Variants in COPG2 observed in about 807,000 individuals in gnomAD.
COPG2 encodes coat protein complex I subunit gamma 2, also known as coatomer subunit gamma-2.
In COPG2, 37 loss-of-function variants were observed where a neutral mutation model predicts 46.3. The observed-to-expected ratio is 0.80, with a 90% CI of 0.61 to 1.05. The LOEUF is 1.05. Ranked by LOEUF, COPG2 falls within the 50% of genes least tolerant of loss-of-function variation. The pLI is 0.00. For missense variants in COPG2, 427 were observed against 387.8 expected (o/e 1.10, Z -0.85); for synonymous variants, 159 against 129.7 (o/e 1.23, Z -1.53).
intron 20 of COPG2, among the ~76,000 whole-genome samples, chr7:130,531,569 C>T (rs1035425927): frequency 6.6e-6 from 1 of 151,902 alleles, no homozygotes; most frequent in African/African-American, 2.4e-5. Flanking sequence ...GGGTGGGAGG[C>T]ACTGAAAGAA....
intron 5 of COPG2, chr7:130,645,352 T>C (rs1018894890): frequency 1.6e-5 from 9 of 563,962 alleles, no homozygotes; most frequent in Admixed American, 1.5e-4. Flanking sequence ...TACTACATTG[T>C]TAGATCTCAG....
At chr7:130,607,924 C>T (rs782719156) in intron 9 of COPG2, 5 of 470,862 alleles carry the variant, frequency 1.1e-5, no homozygotes, top group African/African-American at 2.0e-5. Context: ...TGCTTTTCAC[C>T]ACTCCCCAAT....
intron 20 of COPG2, among the ~76,000 whole-genome samples, chr7:130,542,514 G>C (rs1278803785): frequency 6.6e-6 from 1 of 152,016 alleles, no homozygotes; most frequent in Non-Finnish European, 1.5e-5. Context: ...TGTCATCAGT[G>C]GGGGGCAGGG....
Position 130,547,757 on chromosome 7 carries a change from C to T in COPG2, c.2066G>A (p.Cys689Tyr). The change falls in exon 20 of 24, where the codon TGT (cysteine) becomes TAT (tyrosine). Residue 689 changes from cysteine (C) to tyrosine (Y), a missense_variant. By Grantham distance (194) the Cys-to-Tyr change is radical. Coordinates refer to ENST00000425248, the MANE Select transcript of COPG2 (RefSeq NM_012133.6). Reference sequence around the variant, plus strand: ...ATAAGGAAGGCTGGGGGCTGGGATACAAGACAGCACTTCATAGGAATCTGA... The same window carrying T: ...ATAAGGAAGGCTGGGGGCTGGGATATAAGACAGCACTTCATAGGAATCTGA... Reference protein sequence around the residue: ...EPSDSYEVLSCIPAPSLPYNQ... With the variant: ...EPSDSYEVLSYIPAPSLPYNQ... 2.5e-6 allele frequency: 1 copy of T among 398,748 alleles called. No individual in the cohort carries two copies. Among genetic ancestry groups the T allele is most frequent in the Non-Finnish European group, 4.4e-6 (1 of 226,184 alleles). 24.7% of individuals were successfully genotyped at this position (398,748 alleles called of 1,614,324 possible).
chr7:130,659,187 C>T (rs1403989828), intron 4 of COPG2, among the ~76,000 whole-genome samples: 15 of 151,570 alleles, frequency 9.9e-5, no homozygotes, highest in Admixed American at 9.2e-4. Flanking sequence ...AACCCCGTCT[C>T]TACTAAAAAT....
intron 20 of COPG2, among the ~76,000 whole-genome samples, chr7:130,523,538 G>A (rs1799745448): frequency 6.6e-6 from 1 of 152,176 alleles, no homozygotes; most frequent in South Asian, 2.1e-4. Flanking sequence ...GAGGCCATCA[G>A]GGTCAAGACT....
intron 20 of COPG2, among the ~76,000 whole-genome samples, chr7:130,512,385 A>G (rs1799610601): frequency 6.6e-6 from 1 of 151,722 alleles, no homozygotes; most frequent in Non-Finnish European, 1.5e-5. Flanking sequence ...ATTTATTAAG[A>G]GAGTGTGAAC....
intron 20 of COPG2, among the ~76,000 whole-genome samples, chr7:130,520,047 A>G (rs1457481730): frequency 1.3e-5 from 2 of 152,194 alleles, no homozygotes; most frequent in Non-Finnish European, 2.9e-5. Flanking sequence ...ATTGACAGGT[A>G]TAGATCGGGA....
At chr7:130,607,514 T>C (rs1794757992) in intron 9 of COPG2, 1 of 429,422 alleles carries the variant, frequency 2.3e-6, no homozygotes, top group Non-Finnish European at 4.6e-6. Context: ...TTGGCTGGGA[T>C]CAAACTCCAA....
chr7:130,617,147 C>T, intron 5 of COPG2, 82 bp from the exon 6 acceptor site: 1 of 729,052 alleles, frequency 1.4e-6, no homozygotes, highest in Non-Finnish European at 2.3e-6. Context: ...TCCAATTGTC[C>T]CATAATTATC....
chr7:130,551,901 G>C (rs1793538705), intron 15 of COPG2, among the ~76,000 whole-genome samples: 1 of 152,188 alleles, frequency 6.6e-6, no homozygotes, highest in Non-Finnish European at 1.5e-5. Flanking sequence ...ACTCTGCATA[G>C]TGAATTACCT....
chr7:130,624,478 T>G (rs1230197785), intron 5 of COPG2, among the ~76,000 whole-genome samples: 18 of 152,084 alleles, frequency 1.2e-4, no homozygotes, highest in Non-Finnish European at 2.9e-5. Flanking sequence ...ATAGATAAGT[T>G]CTTTAGTGGT....
At chr7:130,560,492 A>C (rs1275355447) in intron 12 of COPG2, among the ~76,000 whole-genome samples, 1 of 152,178 alleles carries the variant, frequency 6.6e-6, no homozygotes. Context: ...ATTGGTCCTA[A>C]ATTTCATAGG....
At chr7:130,552,697 C>T (rs1409732445) in intron 14 of COPG2, among the ~76,000 whole-genome samples, 1 of 151,866 alleles carries the variant, frequency 6.6e-6, no homozygotes. Flanking sequence ...ATCTCCACCC[C>T]ACCACAACCC....
intron 20 of COPG2, among the ~76,000 whole-genome samples, chr7:130,532,697 G>A (rs1799840266): frequency 6.6e-6 from 1 of 152,134 alleles, no homozygotes; most frequent in Non-Finnish European, 1.5e-5. Context: ...GGGTGTGAAA[G>A]GTATCGGGAA....
chr7:130,637,673 T>C (rs1795370898), intron 5 of COPG2, among the ~76,000 whole-genome samples: 1 of 152,206 alleles, frequency 6.6e-6, no homozygotes, highest in Non-Finnish European at 1.5e-5. Flanking sequence ...TAGAACATGC[T>C]CCGTTAGCTC....
At chr7:130,620,070 G>T (rs1554453395) in intron 5 of COPG2, among the ~76,000 whole-genome samples, 1 of 152,018 alleles carries the variant, frequency 6.6e-6, no homozygotes, top group African/African-American at 2.4e-5. Flanking sequence ...TTAATATGTA[G>T]ATTTATTTTA....
intron 20 of COPG2, chr7:130,508,929 C>G: frequency 1.9e-6 from 1 of 516,808 alleles, no homozygotes; most frequent in Non-Finnish European, 3.6e-6. Flanking sequence ...ATGAAGAAAG[C>G]AGCAGAGAGG....
intron 5 of COPG2, among the ~76,000 whole-genome samples, chr7:130,652,362 AGTAC>A (rs1300587672): frequency 6.6e-6 from 1 of 152,224 alleles, no homozygotes. Context: ...CCCTTACACA[AGTAC>A]TGAATGCTGC....
Sources: gnomAD v4.1 joint callset for allele counts (sites outside exome capture counted in the v4.1 genomes callset) on GRCh38, gnomAD v4.1.1 for gene constraint, MANE v1.5 for transcripts, NCBI Gene and HGNC (gene_info 2026-07-23, HGNC 2026-07-21) for gene names.